IDH3G: variants seen among roughly 807,000 people sequenced by gnomAD.
The protein encoded by IDH3G is isocitrate dehydrogenase [NAD] subunit gamma, mitochondrial.
Under a neutral mutation model 26.9 loss-of-function variants are expected in IDH3G, and 9 were observed. The observed-to-expected ratio is 0.34, with a 90% CI of 0.20 to 0.58. IDH3G has a LOEUF of 0.58. Among genes scored for constraint, IDH3G ranks in the 20% least tolerant of loss-of-function variants. IDH3G has a pLI of 0.85. For missense variants in IDH3G, 250 were observed against 372.8 expected, an observed-to-expected ratio of 0.67 and a Z score of 2.71; for synonymous variants, 181 against 160.0, an observed-to-expected ratio of 1.13 and a Z score of -0.99.
At position 153,785,945 on chromosome X, in the gene IDH3G, C is replaced by G; in HGVS notation, c.1109G>C (p.Gly370Ala). 1.7e-6 allele frequency: 2 copies of G among 1,211,114 alleles called. No individual in the cohort carries two copies. The highest frequency in any genetic ancestry group is 2.2e-6 in the Non-Finnish European group (2 of 895,410). ...GTCCTGGATGGCTTCAGATGTTGTG[C>G]CCTGGCCCCCGATGTCCGGAGTGTG... is the stretch of plus-strand genomic sequence containing the variant. ...NMHTPDIGGQ[G>A]TTSEAIQDVI... Residue 370 changes from glycine (G) to alanine (A), a missense_variant, in exon 13 of 13, where the codon GGC (glycine) becomes GCC (alanine). This residue lies in a region of IDH3G where 201 missense variants were observed against 331.3 expected (regional missense o/e 0.61). Transcript: ENST00000217901.
intron 1 of IDH3G, among the ~76,000 whole-genome samples, chrX:153,791,640 T>G (rs2148446051): frequency 8.9e-6 from 1 of 112,432 alleles, no homozygotes; most frequent in South Asian, 3.7e-4. Context: ...CCTGAGACGG[T>G]GGCAGAGCCA....
In IDH3G at chrX:153,790,589, G is replaced by T; in HGVS notation, c.124-14C>A. The T allele has an allele frequency of 8.3e-7, 1 of 1,207,062 alleles. No individual in the cohort carries two copies. Among genetic ancestry groups the T allele is most frequent in the Non-Finnish European group, 1.1e-6 (1 of 891,359 alleles). On this transcript the variant is annotated splice_polypyrimidine_tract_variant and intron_variant, in intron 2 of 12. Transcript: ENST00000217901. ...AATTGTTTGTTCCTAGAAAGGATGA[G>T]AAAGGAAGAAGACACAATCAGCCAA...
Position 153,787,904 on chromosome X carries a change from G to A in IDH3G, c.459C>T (p.Gly153=). The change falls in exon 7 of 13, where the codon GGC becomes GGT. Residue 153 remains glycine, a synonymous_variant. Coordinates refer to ENST00000217901, the MANE Select transcript of IDH3G (RefSeq NM_004135.4). ...CTATGTCCTTGTGCCGGGTCACCAC[G>A]CCTGGAAGGCTCTTACAGTGGATGA... The part of the protein sequence containing the change: ...ANVIHCKSLP[G]VVTRHKDIDI... 8.3e-7 allele frequency: 1 copy of A among 1,210,574 alleles called. No individual in the cohort carries two copies. Among genetic ancestry groups the A allele is most frequent in the Middle Eastern group, 2.3e-4 (1 of 4,328 alleles).
At chrX:153,788,226 G>A in intron 5 of IDH3G, 91 bp from the exon 6 acceptor site, 1 of 914,545 alleles carries the variant, frequency 1.1e-6, no homozygotes, top group Non-Finnish European at 1.6e-6. Flanking sequence ...GAAGACTTGG[G>A]GAGCAAAAAT....
At chrX:153,791,492 G>A (rs1378586630) in intron 1 of IDH3G, among the ~76,000 whole-genome samples, 1 of 112,637 alleles carries the variant, frequency 8.9e-6, no homozygotes, top group Non-Finnish European at 1.9e-5. Context: ...AAGGCCTTCG[G>A]AAAGGACTGC....
intron 1 of IDH3G, among the ~76,000 whole-genome samples, chrX:153,791,784 C>T (rs1166681934): frequency 8.9e-6 from 1 of 112,325 alleles, no homozygotes; most frequent in Non-Finnish European, 1.9e-5. Flanking sequence ...CAGAAAGGCT[C>T]GGGCGGAGTC....
chrX:153,790,109 G>T, intron 4 of IDH3G, 86 bp downstream of exon 4: 1 of 777,865 alleles, frequency 1.3e-6, no homozygotes, highest in Non-Finnish European at 2.0e-6. Flanking sequence ...GCCTCACCGA[G>T]TGCTTCTGGG....
At chrX:153,789,413 G>A (rs1166279092) in intron 5 of IDH3G, among the ~76,000 whole-genome samples, 1 of 112,148 alleles carries the variant, frequency 8.9e-6, no homozygotes. Flanking sequence ...GCGTGGTGGC[G>A]GGCGCCTGTA....
intron 7 of IDH3G, 34 bp downstream of exon 7, chrX:153,787,789 C>T (rs199667696): frequency 1.7e-6 from 2 of 1,193,527 alleles, no homozygotes; most frequent in Non-Finnish European, 1.1e-6. Flanking sequence ...AATCTTGACG[C>T]TGGGGGGGCT....
chrX:153,792,809 C>G (rs1036665774), intron 1 of IDH3G, among the ~76,000 whole-genome samples: 3 of 112,496 alleles, frequency 2.7e-5, no homozygotes, highest in African/African-American at 9.7e-5. Flanking sequence ...AAAGGCTCTG[C>G]CTTGTGCCCT....
In IDH3G at chrX:153,790,563, C is replaced by T; in HGVS notation, c.135+1G>A. 1 of 1,208,973 alleles carries T rather than the reference C, an allele frequency of 8.3e-7. No homozygotes were observed. Among genetic ancestry groups the T allele is most frequent in the Non-Finnish European group, 1.1e-6 (1 of 893,158 alleles). On this transcript the variant is annotated splice_donor_variant, in intron 3 of 12. Coordinates refer to ENST00000217901, the MANE Select transcript of IDH3G (RefSeq NM_004135.4). LOFTEE classifies it high-confidence loss of function. ...CCTAACAGGCAGAGAAGAATACTCA[C>T]AATTGTTTGTTCCTAGAAAGGATGA...
In IDH3G at chrX:153,786,909, C is replaced by T; in HGVS notation, c.816G>A (p.Met272Ile). The T allele has an allele frequency of 2.5e-6, 3 of 1,210,576 alleles. No homozygotes were observed. The highest frequency in any genetic ancestry group is 3.4e-6 in the Non-Finnish European group (3 of 894,551). Residue 272 changes from methionine to isoleucine, a missense_variant, in exon 10 of 13, where the codon ATG becomes ATA. Met to Ile is a conservative substitution (Grantham distance 10). Transcript: ENST00000217901. ...TGACGATGTTGCCATAGAGATTGGG[C>T]ATCACCATGACATCAAACTGCTGGG... ...SRPQQFDVMV[M>I]PNLYGNIVNN...
intron 1 of IDH3G, among the ~76,000 whole-genome samples, chrX:153,792,058 C>T (rs1026813359): frequency 1.6e-4 from 18 of 112,290 alleles, no homozygotes; most frequent in Admixed American, 5.7e-4. Flanking sequence ...ACGCAGAAAG[C>T]GGCTTCGATG....
chrX:153,787,667 G>A (rs1569542692), intron 7 of IDH3G, 70 bp from the exon 8 acceptor site: 33 of 1,161,553 alleles, frequency 2.8e-5, no homozygotes, highest in Non-Finnish European at 3.4e-5. Flanking sequence ...AAGCTGGCGC[G>A]ACCGGGCCAC....
Position 153,785,799 on chromosome X carries a change from G to A in IDH3G, c.*73C>T. On this transcript the variant is annotated 3_prime_UTR_variant, in exon 13 of 13. Coordinates refer to ENST00000217901, the MANE Select transcript of IDH3G (RefSeq NM_004135.4). ...GAAGGTGCTTTATTCTGGGATCTGC[G>A]TACCAGGCTGGCTGGGGTGCTGGAG... 9 of 1,128,226 alleles carry A rather than the reference G, an allele frequency of 8.0e-6. No homozygotes were observed. Among genetic ancestry groups the A allele is most frequent in the East Asian group, 3.0e-5 (1 of 33,427 alleles). 93.0% of individuals were successfully genotyped at this position (1,128,226 alleles called of 1,213,427 possible). A position where few individuals can be genotyped will look rare whatever the true frequency, so the allele number is the denominator to read the frequency against.
intron 2 of IDH3G, 65 bp downstream of exon 2, chrX:153,790,732 GACACAGGCCGTGC>G (rs2092106421): frequency 4.5e-6 from 5 of 1,112,978 alleles, no homozygotes; most frequent in Non-Finnish European, 2.5e-6. Context: ...CAGAGGACAG[GACACAGGCCGTGC>G]ACACACGCGC....
chrX:153,792,569 CCAG>C (rs1415518170), intron 1 of IDH3G, among the ~76,000 whole-genome samples: 1 of 112,412 alleles, frequency 8.9e-6, no homozygotes, highest in Non-Finnish European at 1.9e-5. Context: ...CCTGCAGCTC[CCAG>C]CAGTAGTTCC....
At chrX:153,787,300 C>T (rs782568713) in intron 8 of IDH3G, 147 bp from the exon 9 acceptor site, 9 of 771,922 alleles carry the variant, frequency 1.2e-5, no homozygotes, top group South Asian at 2.4e-5. Flanking sequence ...ACCCCACCTC[C>T]CCTAAGTGTG....
chrX:153,790,493 C>G (rs1216428885), intron 3 of IDH3G, 71 bp downstream of exon 3: 3 of 1,096,524 alleles, frequency 2.7e-6, no homozygotes, highest in Admixed American at 4.5e-5. Context: ...AGCCCACCCC[C>G]ACCTGGAATT....
Sources: allele counts gnomAD v4.1 joint callset (sites outside exome capture counted in the v4.1 genomes callset), GRCh38; gene constraint gnomAD v4.1.1; regional missense constraint gnomAD v4.1.1; transcripts MANE v1.5; gene names NCBI Gene and HGNC (gene_info 2026-07-23, HGNC 2026-07-21).